The following KDM4B variants were observed in gnomAD, a reference collection of about 807,000 sequenced individuals.
The protein encoded by KDM4B is lysine-specific demethylase 4B.
KDM4B carries 32 observed loss-of-function variants against 125.2 expected under a neutral mutation model. That is an observed-to-expected ratio of 0.26 (90% confidence interval 0.19 to 0.34). KDM4B has a LOEUF of 0.34. KDM4B is among the 10% of genes least tolerant of loss of function. The pLI is 1.00. For synonymous variants in KDM4B, 721 were observed against 677.9 expected, an observed-to-expected ratio of 1.06 and a Z score of -0.99; for missense variants, 1,190 against 1,577.7, an observed-to-expected ratio of 0.75 and a Z score of 4.16.
chr19:5,003,166 T>C lies in KDM4B; in HGVS notation c.-108-13091T>C, dbSNP rs367980496. On this transcript the variant is annotated intron_variant, in intron 1 of 22. Coordinates refer to ENST00000159111, the MANE Select transcript of KDM4B (RefSeq NM_015015.3). The stretch of plus-strand genomic sequence containing the variant: ...CTCACTTTATTGTTTTCTGAATGGC[T>C]ACCCTGTTGTCCCAGCTCCATTGAT... Among the ~76,000 whole-genome samples, 25 of 152,358 alleles carry C rather than the reference T, an allele frequency of 1.6e-4. No individual in the cohort carries two copies. In the South Asian group the frequency reaches 3.9e-3, roughly 24 times the overall value.
In KDM4B at chr19:5,151,741, A is replaced by G. The variant is rs1390805503; in HGVS notation, c.*230A>G. 5 of 392,302 alleles carry G rather than the reference A, an allele frequency of 1.3e-5. No individual in the cohort carries two copies. The highest frequency in any genetic ancestry group is 2.2e-5 in the Non-Finnish European group (5 of 222,612). 24.3% of individuals were successfully genotyped at this position (392,302 alleles called of 1,614,324 possible). A position where few individuals can be genotyped will look rare whatever the true frequency, so the allele number is the denominator to read the frequency against. ...GCCGGCCAGGGGAGCACCCCACTCA[A>G]CTACTCAGAATTTTAAACCATGTAA... On this transcript the variant is annotated 3_prime_UTR_variant, in exon 23 of 23. Coordinates refer to ENST00000159111, the MANE Select transcript of KDM4B (RefSeq NM_015015.3).
At chr19:4,994,433 C>T (rs2035134769) in intron 1 of KDM4B, among the ~76,000 whole-genome samples, 1 of 151,874 alleles carries the variant, frequency 6.6e-6, no homozygotes, top group Admixed American at 6.6e-5. Flanking sequence ...CGTGGTGGCG[C>T]ATGCCTGTAG....
intron 1 of KDM4B, among the ~76,000 whole-genome samples, chr19:4,996,040 G>C (rs1047109984): frequency 7.2e-5 from 11 of 152,106 alleles, no homozygotes; most frequent in African/African-American, 2.7e-4. Flanking sequence ...GCCCAGGCTG[G>C]CCTGCAGTGG....
At chr19:5,113,022 A>G (rs1036222790) in intron 10 of KDM4B, 3 of 152,352 alleles carry the variant, frequency 2.0e-5, no homozygotes, top group African/African-American at 7.2e-5. Flanking sequence ...ATGGGACTAG[A>G]GGCCGTCTAA....
intron 18 of KDM4B, chr19:5,138,384 A>C: frequency 5.8e-6 from 2 of 343,616 alleles, no homozygotes; most frequent in South Asian, 3.9e-5. Flanking sequence ...CTTCCCACAA[A>C]AGCAGAGGCA....
chr19:5,019,203 C>T (rs1049238219), intron 2 of KDM4B, among the ~76,000 whole-genome samples: 1 of 116,520 alleles, frequency 8.6e-6, no homozygotes, highest in East Asian at 2.8e-4. Context: ...TGTTGGTGTG[C>T]AGGTGCTGGT....
intron 1 of KDM4B, among the ~76,000 whole-genome samples, chr19:4,978,290 T>A (rs931430578): frequency 6.6e-6 from 1 of 151,806 alleles, no homozygotes; most frequent in Non-Finnish European, 1.5e-5. Context: ...GTGGATCACC[T>A]GGGGTCAGGA....
rs1055935187 is a variant in KDM4B at position 4,971,915 on chromosome 19, G to A, written c.-109+2685G>A. The stretch of plus-strand genomic sequence containing the variant: ...TCTTTCGGAGCCCACTGGGCAGGAG[G>A]GGACGGAGAGCAGATGAACAGGGTG... On this transcript the variant is annotated intron_variant, in intron 1 of 22. Transcript: ENST00000159111. The surrounding 1 kb of genome is among the most constrained non-coding windows in gnomAD (Gnocchi z 4.1). Among the ~76,000 whole-genome samples, 1 of 151,858 alleles carries A rather than the reference G, an allele frequency of 6.6e-6. No individual in the cohort carries two copies. The highest frequency in any genetic ancestry group is 1.5e-5 in the Non-Finnish European group (1 of 67,932).
intron 1 of KDM4B, among the ~76,000 whole-genome samples, chr19:5,014,929 A>C (rs1321599788): frequency 1.3e-5 from 2 of 149,150 alleles, no homozygotes; most frequent in African/African-American, 5.0e-5. Flanking sequence ...CGGCAGGCGG[A>C]GGTTGCAGTG....
At chr19:5,090,660 C>T (rs1470510570) in intron 9 of KDM4B, among the ~76,000 whole-genome samples, 1 of 132,652 alleles carries the variant, frequency 7.5e-6, no homozygotes, top group African/African-American at 3.0e-5. Flanking sequence ...CCCCCCTTCC[C>T]CCCACCGCCG....
At position 4,971,321 on chromosome 19, in the gene KDM4B, C is replaced by T. The variant is rs564112236; in HGVS notation, c.-109+2091C>T. ...CCTGCCCTGTCTTCAGTCCCTGTCC[C>T]GTCCTGCAGGAGCCCTCTGGGGTGG... On this transcript the variant is annotated intron_variant, in intron 1 of 22. Coordinates refer to ENST00000159111, the MANE Select transcript of KDM4B (RefSeq NM_015015.3). This position sits in a 1 kb window ranked among gnomAD's most constrained non-coding sequence, Gnocchi z 4.1. 3.1e-4 allele frequency among the ~76,000 whole-genome samples: 47 copies of T among 152,272 alleles called. No homozygotes were observed. Among genetic ancestry groups the T allele is most frequent in the African/African-American group, 1.1e-3 (45 of 41,550 alleles).
chr19:5,131,677 C>T, intron 12 of KDM4B, 132 bp downstream of exon 12: 1 of 624,578 alleles, frequency 1.6e-6, no homozygotes, highest in Non-Finnish European at 2.7e-6. Context: ...GGGCTGACTG[C>T]TGGTTTCACA....
intron 17 of KDM4B, 24 bp downstream of exon 17, chr19:5,137,700 C>A: frequency 1.9e-6 from 3 of 1,562,068 alleles, no homozygotes; most frequent in South Asian, 1.2e-5. Context: ...CGCGTTGGGG[C>A]TGGAGGGCCG....
At chr19:5,037,781 G>A (rs2036676132) in intron 3 of KDM4B, among the ~76,000 whole-genome samples, 1 of 152,224 alleles carries the variant, frequency 6.6e-6, no homozygotes, top group South Asian at 2.1e-4. Flanking sequence ...GACATCCCCA[G>A]ACATGGCCAG....
intron 1 of KDM4B, among the ~76,000 whole-genome samples, chr19:4,983,916 T>C (rs1026970830): frequency 2.0e-5 from 3 of 151,990 alleles, no homozygotes; most frequent in Non-Finnish European, 4.4e-5. Context: ...ATTTCCAAAG[T>C]GGGGGTGGCT....
At chr19:5,077,176 T>C (rs1295667392) in intron 7 of KDM4B, 191 bp from the exon 8 acceptor site, 6 of 615,018 alleles carry the variant, frequency 9.8e-6, no homozygotes, top group Admixed American at 8.4e-5. Context: ...GGGCGGCTCC[T>C]GCGCATCTCC....
chr19:5,044,547 GTGTT>G (rs955331578), intron 5 of KDM4B, among the ~76,000 whole-genome samples: 10 of 152,292 alleles, frequency 6.6e-5, no homozygotes, highest in African/African-American at 1.9e-4. Context: ...CGTTTCTTGT[GTGTT>G]TGTTTCTTTG....
Position 4,971,235 on chromosome 19 carries a change from A to T in KDM4B, c.-109+2005A>T, listed in dbSNP as rs1039360319. On this transcript the variant is annotated intron_variant, in intron 1 of 22. Transcript: ENST00000159111. The surrounding 1 kb of genome is among the most constrained non-coding windows in gnomAD (Gnocchi z 4.1). ...AGGTATAGCTGATCAGCCACCGCAC[A>T]GCACCCCGCCTGGCCTTTGTTGTAC... Among the ~76,000 whole-genome samples the T allele has an allele frequency of 2.0e-5, 3 of 152,114 alleles. No individual in the cohort carries two copies. Among genetic ancestry groups the T allele is most frequent in the African/African-American group, 7.2e-5 (3 of 41,418 alleles).
At position 5,131,130 on chromosome 19, in the gene KDM4B, A is replaced by G; in HGVS notation, c.1370A>G (p.Lys457Arg). 1 of 1,531,784 alleles carries G rather than the reference A, an allele frequency of 6.5e-7. No individual in the cohort carries two copies. The highest frequency in any genetic ancestry group is 8.8e-7 in the Non-Finnish European group (1 of 1,139,164). The allele number at this position is 1,531,784 out of a possible 1,614,324, so 94.9% of individuals were successfully genotyped here. ...PTKAKSERKK[K>R]SFGLLPPQLP... ...AAGGCCAAGAGCGAGCGGAAGAAGA[A>G]GAGCTTCGGCCTGCTGCCCCCACAG... The change falls in exon 12 of 23, where the codon AAG becomes AGG. Residue 457 changes from lysine to arginine, a missense_variant. By Grantham distance (26) the Lys-to-Arg change is conservative. Around this residue, in one of 7 missense-constraint regions of KDM4B, gnomAD observed 428 missense variants for 405.1 expected, o/e 1.06. Transcript: ENST00000159111.
Sources: allele counts gnomAD v4.1 joint callset (sites outside exome capture counted in the v4.1 genomes callset), GRCh38; gene constraint gnomAD v4.1.1; regional missense constraint gnomAD v4.1.1; non-coding constraint Gnocchi (gnomAD v3.1); transcripts MANE v1.5; gene names NCBI Gene and HGNC (gene_info 2026-07-23, HGNC 2026-07-21).